Variants in NGEF observed in about 807,000 individuals in gnomAD.
NGEF encodes the protein neuronal guanine nucleotide exchange factor.
A neutral mutation model predicts 80.9 loss-of-function variants in NGEF; 31 were observed. That is an observed-to-expected ratio of 0.38 (90% CI 0.29 to 0.52). The LOEUF (loss-of-function observed/expected upper bound fraction) is 0.52. Among genes scored for constraint, NGEF ranks in the 20% least tolerant of loss-of-function variants. The pLI is 0.84. For synonymous variants in NGEF, 371 were observed against 370.2 expected (o/e 1.00, Z -0.03); for missense variants, 709 against 926.2 (o/e 0.77, Z 3.04).
intron 9 of NGEF, among the ~76,000 whole-genome samples, chr2:232,887,232 T>G (rs554133516): frequency 1.4e-4 from 22 of 152,352 alleles, no homozygotes; most frequent in African/African-American, 5.0e-4. Context: ...TGTCAAAAGC[T>G]GGCTCTCAGC....
chr2:232,905,391 C>T (rs986875699), intron 5 of NGEF, among the ~76,000 whole-genome samples: 1 of 150,876 alleles, frequency 6.6e-6, no homozygotes, highest in Non-Finnish European at 1.5e-5. Context: ...GACGGAGTCT[C>T]GTTAACTCAG....
At chr2:232,894,712 TGAA>T (rs754141286) in intron 6 of NGEF, 41 bp downstream of exon 6, 2 of 1,493,644 alleles carry the variant, frequency 1.3e-6, no homozygotes, top group Non-Finnish European at 1.8e-6. Flanking sequence ...GCCCTGGGGA[TGAA>T]GAAGGGCCCT....
At chr2:233,000,057 A>G (rs1002032984) in intron 1 of NGEF, among the ~76,000 whole-genome samples, 7 of 152,200 alleles carry the variant, frequency 4.6e-5, no homozygotes, top group Non-Finnish European at 8.8e-5. Context: ...CCAGGGGTCC[A>G]GCATGGCCAG....
intron 1 of NGEF, 124 bp downstream of exon 1, chr2:233,012,944 G>C (rs1279684304): frequency 2.1e-6 from 1 of 469,208 alleles, no homozygotes; most frequent in African/African-American, 2.0e-5. Flanking sequence ...TCTCTTGGGG[G>C]CTCCTCCTCA....
At chr2:232,995,808 TATA>T (rs1297064318) in intron 1 of NGEF, among the ~76,000 whole-genome samples, 1 of 148,454 alleles carries the variant, frequency 6.7e-6, no homozygotes, top group Non-Finnish European at 1.5e-5. Flanking sequence ...TATGTATACA[TATA>T]ATACACATGC....
At chr2:232,964,978 G>A (rs1203982627) in intron 3 of NGEF, among the ~76,000 whole-genome samples, 2 of 152,182 alleles carry the variant, frequency 1.3e-5, no homozygotes, top group Non-Finnish European at 2.9e-5. Context: ...TAGTACCTGT[G>A]TAAAAATTCA....
intron 3 of NGEF, among the ~76,000 whole-genome samples, chr2:232,936,228 G>A (rs1452151156): frequency 5.3e-5 from 8 of 152,206 alleles, no homozygotes; most frequent in Admixed American, 4.6e-4. Flanking sequence ...GTATTTTACC[G>A]GTGAGGTGGA....
intron 3 of NGEF, among the ~76,000 whole-genome samples, chr2:232,932,138 A>G (rs956451542): frequency 7.1e-6 from 1 of 141,550 alleles, no homozygotes; most frequent in East Asian, 2.0e-4. Flanking sequence ...TCTATTCTTT[A>G]TGAGTTCTCT....
In NGEF at chr2:232,974,930, G is replaced by A. The variant is rs1306015046; in HGVS notation, c.-40C>T. The A allele has an allele frequency of 1.3e-6, 2 of 1,588,860 alleles. No individual in the cohort carries two copies. The highest frequency in any genetic ancestry group is 2.7e-5 in the African/African-American group (2 of 73,430). ...ATGTTTCTCAGCAGAACGACTGGAGGTCAATGACTTTCCCAAGCTTCACTG... is the reference window on the plus strand; with the variant it reads ...ATGTTTCTCAGCAGAACGACTGGAGATCAATGACTTTCCCAAGCTTCACTG... On this transcript the variant is annotated 5_prime_UTR_variant, in exon 2 of 15. Coordinates refer to ENST00000264051, the MANE Select transcript of NGEF (RefSeq NM_019850.3).
At chr2:233,003,064 GC>G (rs1481276608) in intron 1 of NGEF, among the ~76,000 whole-genome samples, 1 of 152,174 alleles carries the variant, frequency 6.6e-6, no homozygotes, top group Non-Finnish European at 1.5e-5. Flanking sequence ...GTGGGTCTCG[GC>G]CCCCTAAGCT....
intron 3 of NGEF, among the ~76,000 whole-genome samples, chr2:232,943,508 T>C (rs889923180): frequency 1.3e-5 from 2 of 151,186 alleles, no homozygotes; most frequent in Non-Finnish European, 3.0e-5. Flanking sequence ...CATTTTTTTT[T>C]TTTTTGAGAC....
intron 1 of NGEF, among the ~76,000 whole-genome samples, chr2:232,985,645 C>T (rs1210728183): frequency 2.0e-5 from 3 of 152,004 alleles, no homozygotes; most frequent in South Asian, 2.1e-4. Context: ...CCCAGCTACT[C>T]GAGAGGCTAA....
intron 3 of NGEF, among the ~76,000 whole-genome samples, chr2:232,939,011 CT>C (rs1693386350): frequency 6.6e-6 from 1 of 151,812 alleles, no homozygotes; most frequent in Non-Finnish European, 1.5e-5. Flanking sequence ...AACTCCATCT[CT>C]ACTAAAAATA....
chr2:232,946,482 AC>A (rs907909536), intron 3 of NGEF, among the ~76,000 whole-genome samples: 4 of 152,244 alleles, frequency 2.6e-5, no homozygotes, highest in African/African-American at 7.2e-5. Context: ...TCAGGGAGTA[AC>A]CATCACTGTA....
intron 3 of NGEF, among the ~76,000 whole-genome samples, chr2:232,936,573 C>A (rs1693328072): frequency 6.6e-6 from 1 of 152,180 alleles, no homozygotes; most frequent in Non-Finnish European, 1.5e-5. Flanking sequence ...ATCTTTGTGA[C>A]CAAGCCTCAA....
In NGEF at chr2:232,882,321, G is replaced by A. The variant is rs188753545; in HGVS notation, c.1758-56C>T. 2.5e-5 allele frequency: 38 copies of A among 1,495,006 alleles called. No individual in the cohort carries two copies. The Admixed American group carries it at 3.1e-4, about 12-fold the overall frequency. 92.6% of individuals were successfully genotyped at this position (1,495,006 alleles called of 1,614,324 possible). A position where few individuals can be genotyped will look rare whatever the true frequency, so the allele number is the denominator to read the frequency against. On this transcript the variant is annotated intron_variant, in intron 12 of 14. Transcript: ENST00000264051. ...TGCAGATCAACGGCAGCCCCCCAAC[G>A]TGTGGCACGAGGCTTCCCAGCTAGC...
At chr2:232,995,618 C>CTATATATACA (rs376826955) in intron 1 of NGEF, among the ~76,000 whole-genome samples, 2 of 66,870 alleles carry the variant, frequency 3.0e-5, no homozygotes, top group African/African-American at 1.1e-4. Context: ...AGTATGTATA[C>CTATATATACA]GTATGTATAC....
chr2:232,919,576 T>C (rs543469136), intron 5 of NGEF, among the ~76,000 whole-genome samples: 1 of 152,326 alleles, frequency 6.6e-6, no homozygotes, highest in Non-Finnish European at 1.5e-5. Flanking sequence ...AAATTTTCCC[T>C]TAATACTCAA....
In NGEF at chr2:232,993,133, T is replaced by TGTA. The variant is rs1559238239; in HGVS notation, c.-74-18170_-74-18169insTAC. Reference sequence around the variant, plus strand: ...TATATATATATAAATAAATATATATTTATTTATATATATATGGGCAAATAT... The same window carrying TGTA: ...TATATATATATAAATAAATATATATTGTATATTTATATATATATGGGCAAATAT... On this transcript the variant is annotated intron_variant, in intron 1 of 14. Transcript: ENST00000264051. 8.9e-4 allele frequency among the ~76,000 whole-genome samples: 30 copies of TGTA among 33,560 alleles called. 1 individual carries two copies. The East Asian group carries it at 0.13, about 146-fold the overall frequency. The allele number at this position is 33,560 out of a possible 152,430, so 22.0% of individuals were successfully genotyped here.
Sources: allele counts gnomAD v4.1 joint callset (sites outside exome capture counted in the v4.1 genomes callset), GRCh38; gene constraint gnomAD v4.1.1; transcripts MANE v1.5; gene names NCBI Gene and HGNC (gene_info 2026-07-23, HGNC 2026-07-21).